The following MLEC variants were observed in gnomAD, a reference collection of about 807,000 sequenced individuals.
MLEC encodes malectin.
MLEC carries 7 observed loss-of-function variants against 28.7 expected under a neutral mutation model. The ratio of observed to expected loss-of-function variants is 0.24; its 90% CI spans 0.14 to 0.46. The LOEUF is 0.46. MLEC is among the 20% of genes least tolerant of loss of function. The pLI, the probability that MLEC is intolerant of heterozygous loss-of-function variation, is 0.99. For synonymous variants in MLEC, 142 were observed against 164.4 expected (o/e 0.86, Z 1.04); for missense variants, 237 against 391.1 (o/e 0.61, Z 3.32).
rs1270686485 is a variant in MLEC, at chr12:120,694,152, T to C, written c.297T>C (p.Tyr99=). Residue 99 remains tyrosine, a synonymous_variant, in exon 2 of 5, where the codon TAT becomes TAC. Transcript: ENST00000228506. The surrounding 1 kb of genome is among the most constrained non-coding windows in gnomAD (Gnocchi z 4.5). ...LRSNPEDQIL[Y]QTERYNEETF... Reference sequence around the variant, plus strand: ...CCAACCCTGAGGACCAGATCCTGTATCAAACTGAGCGGTACAATGAGGAGA... The same window carrying C: ...CCAACCCTGAGGACCAGATCCTGTACCAAACTGAGCGGTACAATGAGGAGA... 1.9e-6 allele frequency: 3 copies of C among 1,614,146 alleles called. No homozygotes were observed. The highest frequency in any genetic ancestry group is 2.5e-6 in the Non-Finnish European group (3 of 1,180,022).
chr12:120,688,943 CCT>C (rs1311970897), intron 1 of MLEC, among the ~76,000 whole-genome samples: 3 of 152,214 alleles, frequency 2.0e-5, no homozygotes, highest in Non-Finnish European at 4.4e-5. Context: ...CTGGACCCTT[CCT>C]CTTTCTTCAC....
intron 1 of MLEC, among the ~76,000 whole-genome samples, chr12:120,689,612 C>G (rs1468675493): frequency 6.6e-6 from 1 of 152,196 alleles, no homozygotes; most frequent in Non-Finnish European, 1.5e-5. Context: ...CTTGCACTCT[C>G]AGGAGGCAGC....
rs1405620224 is a variant in MLEC at position 120,701,124 on chromosome 12, G to A, written c.*4579G>A. ...TTGTGAGATGGGGGCACATAGCACT[G>A]GGGAAAGCAGAACTCCATTCTCACC... On this transcript the variant is annotated 3_prime_UTR_variant, in exon 5 of 5. Coordinates refer to ENST00000228506, the MANE Select transcript of MLEC (RefSeq NM_014730.4). The surrounding 1 kb of genome is among the most constrained non-coding windows in gnomAD (Gnocchi z 4.0). The A allele has an allele frequency of 6.6e-6, 1 of 152,244 alleles. No homozygotes were observed. Among genetic ancestry groups the A allele is most frequent in the African/African-American group, 2.4e-5 (1 of 41,452 alleles). 9.4% of individuals were successfully genotyped at this position (152,244 alleles called of 1,614,324 possible). A position where few individuals can be genotyped will look rare whatever the true frequency, so the allele number is the denominator to read the frequency against.
At position 120,687,159 on chromosome 12, in the gene MLEC, A is replaced by C. The variant is rs1254126937; in HGVS notation, c.-138A>C. The C allele has an allele frequency of 1.0e-6, 1 of 966,342 alleles. No homozygotes were observed. 59.9% of individuals were successfully genotyped at this position (966,342 alleles called of 1,614,324 possible). A position where few individuals can be genotyped will look rare whatever the true frequency, so the allele number is the denominator to read the frequency against. The stretch of plus-strand genomic sequence containing the variant: ...TGGGAGGCGGTACCCGTGGCTGAGA[A>C]GAAGGAGGCCTGAGAGCGACATGTC... On this transcript the variant is annotated 5_prime_UTR_variant, in exon 1 of 5. Coordinates refer to ENST00000228506, the MANE Select transcript of MLEC (RefSeq NM_014730.4). The surrounding 1 kb of genome is among the most constrained non-coding windows in gnomAD (Gnocchi z 8.1).
At position 120,697,391 on chromosome 12, in the gene MLEC, A is replaced by C. The variant is rs1165658258; in HGVS notation, c.*846A>C. 6.6e-6 allele frequency: 1 copy of C among 152,646 alleles called. No individual in the cohort carries two copies. Among genetic ancestry groups the C allele is most frequent in the East Asian group, 1.9e-4 (1 of 5,194 alleles). The allele number at this position is 152,646 out of a possible 1,614,324, so 9.5% of individuals were successfully genotyped here. A position where few individuals can be genotyped will look rare whatever the true frequency, so the allele number is the denominator to read the frequency against. ...CCATCCCACTAAGTTATAGCCAAGA[A>C]GGGAAGGAGACACGGGGATTTGGGG... is the stretch of plus-strand genomic sequence containing the variant. On this transcript the variant is annotated 3_prime_UTR_variant, in exon 5 of 5. Coordinates refer to ENST00000228506, the MANE Select transcript of MLEC (RefSeq NM_014730.4). This position sits in a 1 kb window ranked among gnomAD's most constrained non-coding sequence, Gnocchi z 4.8.
intron 1 of MLEC, among the ~76,000 whole-genome samples, chr12:120,691,418 C>T (rs1324404307): frequency 6.6e-6 from 1 of 152,226 alleles, no homozygotes; most frequent in Non-Finnish European, 1.5e-5. Flanking sequence ...AGTGACACTT[C>T]GTGTATGTCT....
In MLEC at chr12:120,697,159, A is replaced by C. The variant is rs1268975427; in HGVS notation, c.*614A>C. 3 of 152,810 alleles carry C rather than the reference A, an allele frequency of 2.0e-5. No individual in the cohort carries two copies. The highest frequency in any genetic ancestry group is 4.4e-5 in the Non-Finnish European group (3 of 68,564). The allele number at this position is 152,810 out of a possible 1,614,324, so 9.5% of individuals were successfully genotyped here. A position where few individuals can be genotyped will look rare whatever the true frequency, so the allele number is the denominator to read the frequency against. On this transcript the variant is annotated 3_prime_UTR_variant, in exon 5 of 5. Transcript: ENST00000228506. This position sits in a 1 kb window ranked among gnomAD's most constrained non-coding sequence, Gnocchi z 4.8. Reference sequence around the variant, plus strand: ...CCACCTTTAGTGTTTGAGCTTTGTCATTGCTTGTCTCCCTGGCATGTGCCA... The same window carrying C: ...CCACCTTTAGTGTTTGAGCTTTGTCCTTGCTTGTCTCCCTGGCATGTGCCA...
chr12:120,689,145 T>C (rs1419188881), intron 1 of MLEC, among the ~76,000 whole-genome samples: 2 of 152,076 alleles, frequency 1.3e-5, no homozygotes, highest in Non-Finnish European at 2.9e-5. Context: ...ACCACACAGG[T>C]TTAGTTCCCA....
In MLEC at chr12:120,696,681, A is replaced by C. The variant is rs556328253; in HGVS notation, c.*136A>C. 1 of 1,334,396 alleles carries C rather than the reference A, an allele frequency of 7.5e-7. No individual in the cohort carries two copies. Among genetic ancestry groups the C allele is most frequent in the African/African-American group, 1.5e-5 (1 of 67,904 alleles). 82.7% of individuals were successfully genotyped at this position (1,334,396 alleles called of 1,614,324 possible). On this transcript the variant is annotated 3_prime_UTR_variant, in exon 5 of 5. Coordinates refer to ENST00000228506, the MANE Select transcript of MLEC (RefSeq NM_014730.4). The surrounding 1 kb of genome is among the most constrained non-coding windows in gnomAD (Gnocchi z 5.4). Reference sequence around the variant, plus strand: ...AAAACACACATCAATTAAAGGAGACAAAAAGAGGCAGAGCGAGTAGAGAGC... The same window carrying C: ...AAAACACACATCAATTAAAGGAGACCAAAAGAGGCAGAGCGAGTAGAGAGC...
At position 120,696,381 on chromosome 12, in the gene MLEC, T is replaced by G. The variant is rs1882233525; in HGVS notation, c.715T>G (p.Tyr239Asp). 6.2e-7 allele frequency: 1 copy of G among 1,614,062 alleles called. No individual in the cohort carries two copies. The highest frequency in any genetic ancestry group is 8.5e-7 in the Non-Finnish European group (1 of 1,179,988). ...KKEEEEEEEE[Y>D]DEGSNLKKQT... The stretch of plus-strand genomic sequence containing the variant: ...AGAAGAGGAAGAAGAAGAAGAAGAA[T>G]ATGATGAAGGGTCTAATCTCAAAAA... Residue 239 changes from tyrosine (Y) to aspartate (D), a missense_variant, in exon 5 of 5, where the codon TAT (tyrosine) becomes GAT (aspartate). Coordinates refer to ENST00000228506, the MANE Select transcript of MLEC (RefSeq NM_014730.4). This position sits in a 1 kb window ranked among gnomAD's most constrained non-coding sequence, Gnocchi z 5.4.
intron 1 of MLEC, among the ~76,000 whole-genome samples, chr12:120,692,099 G>A (rs1882059120): frequency 6.6e-6 from 1 of 152,178 alleles, no homozygotes; most frequent in South Asian, 2.1e-4. Context: ...GGTGGAGGTT[G>A]CAGTGAGCTG....
rs1882365232 is a variant in MLEC at position 120,699,534 on chromosome 12, T to C, written c.*2989T>C. ...GGCCTGTTGGTCTCTCATTGGACGT[T>C]TTTGGGTCTCACTCATGCTTACTGA... is the stretch of plus-strand genomic sequence containing the variant. On this transcript the variant is annotated 3_prime_UTR_variant, in exon 5 of 5. Transcript: ENST00000228506. The C allele has an allele frequency of 6.6e-6, 1 of 152,224 alleles. No homozygotes were observed. Among genetic ancestry groups the C allele is most frequent in the Non-Finnish European group, 1.5e-5 (1 of 68,066 alleles). The allele number at this position is 152,224 out of a possible 1,614,324, so 9.4% of individuals were successfully genotyped here.
Position 120,700,580 on chromosome 12 carries a change from A to G in MLEC, c.*4035A>G, listed in dbSNP as rs145559337. The G allele has an allele frequency of 1.3e-5, 2 of 152,334 alleles. No individual in the cohort carries two copies. Among genetic ancestry groups the G allele is most frequent in the African/African-American group, 4.8e-5 (2 of 41,574 alleles). The allele number at this position is 152,334 out of a possible 1,614,324, so 9.4% of individuals were successfully genotyped here. On this transcript the variant is annotated 3_prime_UTR_variant, in exon 5 of 5. Coordinates refer to ENST00000228506, the MANE Select transcript of MLEC (RefSeq NM_014730.4). This position sits in a 1 kb window ranked among gnomAD's most constrained non-coding sequence, Gnocchi z 4.0. The stretch of plus-strand genomic sequence containing the variant: ...AACCGGAAACACCCAGGAACTGTTC[A>G]GAAATCTCAGAAGAAATCTGCTTCT...
At chr12:120,695,182 C>CT in intron 4 of MLEC, 30 bp downstream of exon 4, 1 of 1,613,366 alleles carries the variant, frequency 6.2e-7, no homozygotes, top group Non-Finnish European at 8.5e-7. Context: ...GCTTTTTTGA[C>CT]TTGAGTGGAG....
In MLEC at chr12:120,694,039, T is replaced by G. The variant is rs1033933211; in HGVS notation, c.236-52T>G. ...CTCTGGCTGTTCTGGGGTCTTTGCT[T>G]TTCTTTTGTGTCTTGCCTCTGATGT... On this transcript the variant is annotated intron_variant, in intron 1 of 4. Coordinates refer to ENST00000228506, the MANE Select transcript of MLEC (RefSeq NM_014730.4). The surrounding 1 kb of genome is among the most constrained non-coding windows in gnomAD (Gnocchi z 4.5). 1.3e-6 allele frequency: 2 copies of G among 1,553,106 alleles called. No individual in the cohort carries two copies. Among genetic ancestry groups the G allele is most frequent in the African/African-American group, 2.7e-5 (2 of 73,304 alleles).
intron 1 of MLEC, among the ~76,000 whole-genome samples, chr12:120,690,277 C>T (rs1237607583): frequency 6.6e-6 from 1 of 152,116 alleles, no homozygotes; most frequent in African/African-American, 2.4e-5. Flanking sequence ...TCCCAAACTG[C>T]TGGGATTACA....
chr12:120,688,934 T>G (rs1881932025), intron 1 of MLEC, among the ~76,000 whole-genome samples: 1 of 152,258 alleles, frequency 6.6e-6, no homozygotes, highest in Non-Finnish European at 1.5e-5. Context: ...ATCTCTATCC[T>G]GGACCCTTCC....
chr12:120,692,865 ACT>A (rs764705165), intron 1 of MLEC, among the ~76,000 whole-genome samples: 12 of 151,848 alleles, frequency 7.9e-5, no homozygotes, highest in Non-Finnish European at 1.3e-4. Flanking sequence ...GAGTCAGGCT[ACT>A]CTCTGGAGGA....
intron 1 of MLEC, among the ~76,000 whole-genome samples, chr12:120,691,831 T>C (rs1158765705): frequency 6.6e-6 from 1 of 152,146 alleles, no homozygotes; most frequent in Non-Finnish European, 1.5e-5. Flanking sequence ...ATTACGTTAC[T>C]GTCAGTTCCT....
Sources: allele counts gnomAD v4.1 joint callset (sites outside exome capture counted in the v4.1 genomes callset), GRCh38; gene constraint gnomAD v4.1.1; non-coding constraint Gnocchi (gnomAD v3.1); transcripts MANE v1.5; gene names NCBI Gene and HGNC (gene_info 2026-07-23, HGNC 2026-07-21).